Variants in POLA1 observed in about 807,000 individuals in gnomAD.
POLA1 encodes DNA polymerase alpha 1, catalytic subunit.
In POLA1, 15 loss-of-function variants were observed where a neutral mutation model predicts 124.0. The ratio of observed to expected loss-of-function variants is 0.12; its 90% CI spans 0.08 to 0.19. The LOEUF (loss-of-function observed/expected upper bound fraction) is 0.19, where lower values mean the gene tolerates loss of function less well. Ranked by LOEUF, POLA1 falls within the 10% of genes least tolerant of loss-of-function variation. The pLI is 1.00. For missense variants in POLA1, 886 were observed against 1,103.4 expected, an observed-to-expected ratio of 0.80 and a Z score of 2.79; for synonymous variants, 408 against 389.4, an observed-to-expected ratio of 1.05 and a Z score of -0.56.
At chrX:24,845,870 T>C (rs1198290566) in intron 34 of POLA1, among the ~76,000 whole-genome samples, 1 of 111,999 alleles carries the variant, frequency 8.9e-6, no homozygotes. Flanking sequence ...GATTTTAGTC[T>C]TAGAAGCACT....
chrX:24,882,566 GT>G (rs1427425959), intron 34 of POLA1, among the ~76,000 whole-genome samples: 1 of 111,132 alleles, frequency 9.0e-6, no homozygotes, highest in Non-Finnish European at 1.9e-5. Flanking sequence ...AGAACATGTG[GT>G]ATTTGGTTTT....
At chrX:24,988,651 G>A (rs1198289925) in intron 36 of POLA1, among the ~76,000 whole-genome samples, 1 of 112,060 alleles carries the variant, frequency 8.9e-6, no homozygotes, top group African/African-American at 3.2e-5. Flanking sequence ...AGCCTTATAA[G>A]TAGAGATTAA....
chrX:24,893,743 C>A (rs771961221), intron 35 of POLA1, among the ~76,000 whole-genome samples: 3 of 112,285 alleles, frequency 2.7e-5, no homozygotes, highest in African/African-American at 9.7e-5. Context: ...TTTTTTATGG[C>A]CAAATAATAT....
At chrX:24,818,802 T>G (rs1482250623) in intron 30 of POLA1, among the ~76,000 whole-genome samples, 1 of 112,309 alleles carries the variant, frequency 8.9e-6, no homozygotes, top group Non-Finnish European at 1.9e-5. Flanking sequence ...CATTTTACAA[T>G]TTTGCACATC....
chrX:24,814,952 G>GTTTTTTTT, intron 29 of POLA1, 27 bp from the exon 30 acceptor site: 3 of 867,768 alleles, frequency 3.5e-6, no homozygotes, highest in Non-Finnish European at 4.6e-6. Flanking sequence ...TGCTGTCTTT[G>GTTTTTTTT]TTTTGTTTTT....
rs376485581 is a variant in POLA1, at chrX:24,716,349, C to A, written c.526-13C>A. On this transcript the variant is annotated splice_polypyrimidine_tract_variant and intron_variant, in intron 6 of 36. Transcript: ENST00000379068. The stretch of plus-strand genomic sequence containing the variant: ...CAAGCATGGCAGTGAATATGTCTTA[C>A]CTTTCCTTTTAGACACCTCAAATAA... The A allele has an allele frequency of 1.0e-6, 1 of 996,067 alleles. No homozygotes were observed. Among genetic ancestry groups the A allele is most frequent in the South Asian group, 1.9e-5 (1 of 51,978 alleles). The allele number at this position is 996,067 out of a possible 1,213,427, so 82.1% of individuals were successfully genotyped here. A position where few individuals can be genotyped will look rare whatever the true frequency, so the allele number is the denominator to read the frequency against.
At chrX:24,841,883 C>T in intron 33 of POLA1, 53 bp downstream of exon 33, 1 of 902,112 alleles carries the variant, frequency 1.1e-6, no homozygotes, top group Admixed American at 2.5e-5. Flanking sequence ...AAGGCCTTAC[C>T]CCCTTCCCCC....
intron 35 of POLA1, among the ~76,000 whole-genome samples, chrX:24,907,144 T>C (rs1177083063): frequency 1.8e-5 from 2 of 111,150 alleles, no homozygotes; most frequent in Admixed American, 9.6e-5. Context: ...TGAGCCAAGA[T>C]CATGCCATTG....
At chrX:24,812,069 C>T (rs2045911039) in intron 28 of POLA1, among the ~76,000 whole-genome samples, 2 of 112,315 alleles carry the variant, frequency 1.8e-5, no homozygotes, top group African/African-American at 3.2e-5. Flanking sequence ...AAGCCTGGCA[C>T]ATTGTGCTCA....
intron 32 of POLA1, among the ~76,000 whole-genome samples, chrX:24,835,958 T>C (rs1336976966): frequency 1.8e-5 from 2 of 111,461 alleles, no homozygotes; most frequent in Non-Finnish European, 3.8e-5. Flanking sequence ...ACTAAACTGC[T>C]TGATAAATTT....
At chrX:24,798,039 C>T (rs1456567750) in intron 26 of POLA1, among the ~76,000 whole-genome samples, 1 of 110,796 alleles carries the variant, frequency 9.0e-6, no homozygotes, top group Non-Finnish European at 1.9e-5. Flanking sequence ...CACAGCGAGA[C>T]CCTGTTTCCA....
chrX:24,919,827 T>G (rs754826784), intron 35 of POLA1, among the ~76,000 whole-genome samples: 7 of 94,756 alleles, frequency 7.4e-5, no homozygotes, highest in Non-Finnish European at 1.2e-4. Flanking sequence ...TTTGTTTTTT[T>G]TTTTGTTTTG....
At chrX:24,947,329 G>A (rs1446721198) in intron 36 of POLA1, among the ~76,000 whole-genome samples, 1 of 85,093 alleles carries the variant, frequency 1.2e-5, no homozygotes, top group African/African-American at 4.5e-5. Flanking sequence ...GTGCATTGGC[G>A]CAATCACGGC....
At chrX:24,885,110 AAATT>A (rs1295867863) in intron 34 of POLA1, among the ~76,000 whole-genome samples, 1 of 112,405 alleles carries the variant, frequency 8.9e-6, no homozygotes, top group African/African-American at 3.2e-5. Flanking sequence ...TATATTTTAA[AAATT>A]AAATAATTTT....
At chrX:24,818,155 T>G in intron 30 of POLA1, among the ~76,000 whole-genome samples, 1 of 110,576 alleles carries the variant, frequency 9.0e-6, no homozygotes, top group African/African-American at 3.3e-5. Context: ...TTGCAGCTGA[T>G]TTTTATAGCT....
At chrX:24,707,978 G>A (rs1407848795) in intron 4 of POLA1, among the ~76,000 whole-genome samples, 1 of 112,056 alleles carries the variant, frequency 8.9e-6, no homozygotes. Flanking sequence ...CTGGGTGACA[G>A]GAATAAACAA....
At chrX:24,870,671 T>C (rs1407767864) in intron 34 of POLA1, among the ~76,000 whole-genome samples, 2 of 111,794 alleles carry the variant, frequency 1.8e-5, no homozygotes, top group African/African-American at 6.5e-5. Context: ...GAGAATCTTT[T>C]CCTAACAGCA....
At chrX:24,849,108 CCTTG>C (rs1459608288) in intron 34 of POLA1, among the ~76,000 whole-genome samples, 2 of 112,966 alleles carry the variant, frequency 1.8e-5, no homozygotes, top group East Asian at 2.8e-4. Flanking sequence ...TTGTTTATTT[CCTTG>C]CTTCTGCATT....
At chrX:24,885,667 G>A (rs753194994) in intron 34 of POLA1, among the ~76,000 whole-genome samples, 2 of 111,397 alleles carry the variant, frequency 1.8e-5, no homozygotes, top group East Asian at 5.7e-4. Context: ...TGGAACTACA[G>A]GCATGTGCCA....
Sources: allele counts gnomAD v4.1 joint callset (sites outside exome capture counted in the v4.1 genomes callset), GRCh38; gene constraint gnomAD v4.1.1; transcripts MANE v1.5; gene names NCBI Gene and HGNC (gene_info 2026-07-23, HGNC 2026-07-21).